The following EXOC4 variants were observed in gnomAD, a reference collection of about 807,000 sequenced individuals.
EXOC4 encodes the protein SEC8-like 1.
In EXOC4, 71 loss-of-function variants were observed where a neutral mutation model predicts 107.2. That is an observed-to-expected ratio of 0.66 (90% CI 0.55 to 0.81). The LOEUF (loss-of-function observed/expected upper bound fraction) is 0.81. Ranked by LOEUF, EXOC4 falls within the 30% of genes least tolerant of loss-of-function variation. The probability of loss-of-function intolerance (pLI) is 0.00; values close to 1 mark genes in which losing one functional copy is unlikely to be tolerated. For missense variants in EXOC4, 1,108 were observed against 1,189.6 expected, an observed-to-expected ratio of 0.93 and a Z score of 1.01; for synonymous variants, 456 against 441.2, an observed-to-expected ratio of 1.03 and a Z score of -0.42.
chr7:134,091,247 G>A, the EXOC4 span, among the ~76,000 whole-genome samples: 1 of 152,168 alleles, frequency 6.6e-6, no homozygotes, highest in Non-Finnish European at 1.5e-5. Context: ...AAGGGCTGCT[G>A]GTTACCCATT....
chr7:133,835,925 T>C (rs1437911745), intron 11 of EXOC4, among the ~76,000 whole-genome samples: 1 of 152,216 alleles, frequency 6.6e-6, no homozygotes, highest in Non-Finnish European at 1.5e-5. Flanking sequence ...TCATGATTAC[T>C]AACCCAATTA....
intron 10 of EXOC4, among the ~76,000 whole-genome samples, chr7:133,637,254 T>C (rs1430090780): frequency 1.3e-5 from 2 of 152,214 alleles, no homozygotes; most frequent in African/African-American, 4.8e-5. Context: ...ATAATTATAG[T>C]ACTTATAATA....
At chr7:133,521,367 G>T (rs887843399) in intron 9 of EXOC4, among the ~76,000 whole-genome samples, 1 of 152,040 alleles carries the variant, frequency 6.6e-6, no homozygotes, top group South Asian at 2.1e-4. Context: ...AGAATAATTC[G>T]TCTTATCTAC....
At chr7:133,996,226 C>A (rs1794388382) in intron 14 of EXOC4, among the ~76,000 whole-genome samples, 1 of 151,926 alleles carries the variant, frequency 6.6e-6, no homozygotes, top group African/African-American at 2.4e-5. Context: ...TTCATTTAAC[C>A]CCATGATATA....
the EXOC4 span, among the ~76,000 whole-genome samples, chr7:134,077,600 C>T: frequency 6.6e-6 from 1 of 152,124 alleles, no homozygotes; most frequent in African/African-American, 2.4e-5. Context: ...AAATTGGGCC[C>T]AGAACAAAGA....
intron 1 of EXOC4, among the ~76,000 whole-genome samples, chr7:133,255,396 C>T (rs577263029): frequency 3.9e-5 from 6 of 152,188 alleles, no homozygotes; most frequent in South Asian, 2.1e-4. Context: ...AGGATGGTCT[C>T]GATCGCTTGA....
chr7:133,935,886 A>G (rs1490072301), intron 13 of EXOC4, among the ~76,000 whole-genome samples: 3 of 152,122 alleles, frequency 2.0e-5, no homozygotes, highest in Non-Finnish European at 4.4e-5. Context: ...AATTTTCCCA[A>G]TGAAAAGCTT....
chr7:133,926,582 A>G (rs1800057996), intron 13 of EXOC4, among the ~76,000 whole-genome samples: 1 of 152,210 alleles, frequency 6.6e-6, no homozygotes, highest in South Asian at 2.1e-4. Flanking sequence ...TATTGAATAT[A>G]GGTGCTTTAA....
chr7:134,013,290 A>G (rs1473345442), intron 17 of EXOC4, among the ~76,000 whole-genome samples: 1 of 152,188 alleles, frequency 6.6e-6, no homozygotes, highest in Non-Finnish European at 1.5e-5. Context: ...AAAACCTATT[A>G]CCTCAATCTA....
chr7:133,534,442 T>C (rs185669577), intron 9 of EXOC4, among the ~76,000 whole-genome samples: 15 of 152,266 alleles, frequency 9.9e-5, no homozygotes, highest in Middle Eastern at 3.4e-3. Flanking sequence ...TCTTCATCAA[T>C]GTCACATTAG....
At chr7:133,311,722 GGAA>G (rs1794875581) in intron 4 of EXOC4, among the ~76,000 whole-genome samples, 3 of 152,112 alleles carry the variant, frequency 2.0e-5, no homozygotes, top group Admixed American at 6.6e-5. Context: ...TATACTCTGA[GGAA>G]ATATATGTAT....
At chr7:133,294,831 A>G (rs1343684653) in intron 3 of EXOC4, among the ~76,000 whole-genome samples, 1 of 152,092 alleles carries the variant, frequency 6.6e-6, no homozygotes, top group African/African-American at 2.4e-5. Flanking sequence ...ATTGGATAAC[A>G]TGGTGGGTTG....
intron 9 of EXOC4, among the ~76,000 whole-genome samples, chr7:133,510,264 T>G (rs1232842275): frequency 1.3e-5 from 2 of 152,224 alleles, no homozygotes; most frequent in Admixed American, 1.3e-4. Flanking sequence ...CATAATGTTT[T>G]GAGGTTTATT....
intron 1 of EXOC4, among the ~76,000 whole-genome samples, chr7:133,258,417 G>A (rs1795066725): frequency 6.6e-6 from 1 of 152,194 alleles, no homozygotes; most frequent in Non-Finnish European, 1.5e-5. Context: ...GTGGTTGTGT[G>A]TTGTAGTTGA....
chr7:133,800,201 A>G (rs1044016681), intron 10 of EXOC4, among the ~76,000 whole-genome samples: 7 of 152,160 alleles, frequency 4.6e-5, no homozygotes, highest in African/African-American at 1.7e-4. Context: ...AAATTCTGAA[A>G]ACAAATTTGA....
At chr7:133,620,652 T>C (rs1203556982) in intron 9 of EXOC4, among the ~76,000 whole-genome samples, 1 of 152,214 alleles carries the variant, frequency 6.6e-6, no homozygotes, top group African/African-American at 2.4e-5. Context: ...TGATTCCTGC[T>C]ACACCACTGA....
At chr7:133,789,248 T>C (rs542938011) in intron 10 of EXOC4, among the ~76,000 whole-genome samples, 1 of 152,312 alleles carries the variant, frequency 6.6e-6, no homozygotes, top group Non-Finnish European at 1.5e-5. Context: ...GGAAATGTGA[T>C]GAAAGCCTTA....
chr7:133,990,817 A>G (rs1302681606), intron 14 of EXOC4, among the ~76,000 whole-genome samples: 4 of 151,798 alleles, frequency 2.6e-5, no homozygotes, highest in African/African-American at 9.7e-5. Context: ...ATTTTCTTCC[A>G]CCATTCATGA....
At chr7:133,995,125 T>A (rs1002403089) in intron 14 of EXOC4, among the ~76,000 whole-genome samples, 1 of 152,236 alleles carries the variant, frequency 6.6e-6, no homozygotes, top group Middle Eastern at 3.2e-3. Context: ...ACCTCACTCA[T>A]TCTAAGTTTT....
Sources: allele counts gnomAD v4.1 joint callset (sites outside exome capture counted in the v4.1 genomes callset), GRCh38; gene constraint gnomAD v4.1.1; transcripts MANE v1.5; gene names NCBI Gene and HGNC (gene_info 2026-07-23, HGNC 2026-07-21).